The following SYTL2 variants were observed in gnomAD, a reference collection of about 807,000 sequenced individuals.
SYTL2 encodes synaptotagmin-like protein 2.
Under a neutral mutation model 198.7 loss-of-function variants are expected in SYTL2, and 165 were observed. That is an observed-to-expected ratio of 0.83 (90% CI 0.73 to 0.94). The LOEUF is 0.94. Ranked by LOEUF, SYTL2 falls within the 40% of genes least tolerant of loss-of-function variation. SYTL2 has a pLI of 0.00. For missense variants in SYTL2, 2,835 were observed against 2,582.8 expected (o/e 1.10, Z -2.12); for synonymous variants, 966 against 917.7 (o/e 1.05, Z -0.95).
chr11:85,842,044 C>G, the SYTL2 span, among the ~76,000 whole-genome samples: 1 of 152,128 alleles, frequency 6.6e-6, no homozygotes, highest in Admixed American at 6.5e-5. Context: ...AGGCCCTGTG[C>G]TAGGCAATGG....
At chr11:85,754,826 T>C (rs2091761114) in intron 2 of SYTL2, among the ~76,000 whole-genome samples, 1 of 152,168 alleles carries the variant, frequency 6.6e-6, no homozygotes, top group African/African-American at 2.4e-5. Flanking sequence ...CAGAGTTTTT[T>C]GTGTCATGAT....
At position 85,694,898 on chromosome 11, in the gene SYTL2, C is replaced by T; in HGVS notation, c.*297G>A. 4.5e-6 allele frequency: 1 copy of T among 222,550 alleles called. No homozygotes were observed. Among genetic ancestry groups the T allele is most frequent in the East Asian group, 9.5e-5 (1 of 10,514 alleles). The allele number at this position is 222,550 out of a possible 1,614,324, so 13.8% of individuals were successfully genotyped here. On this transcript the variant is annotated 3_prime_UTR_variant, in exon 20 of 20. Coordinates refer to ENST00000359152, the MANE Select transcript of SYTL2 (RefSeq NM_206927.4). ...AGAACATTTTGCTTCTTAACAATAC[C>T]CCATGTTTAATGCTCTGGGGCAGCT... is the stretch of plus-strand genomic sequence containing the variant.
chr11:85,807,070 T>A (rs1156315583), intron 1 of SYTL2, among the ~76,000 whole-genome samples: 1 of 152,250 alleles, frequency 6.6e-6, no homozygotes, highest in East Asian at 1.9e-4. Flanking sequence ...GTGGCTCTCA[T>A]TGCTTCCTCT....
chr11:85,756,192 A>C (rs2091855178), intron 2 of SYTL2, among the ~76,000 whole-genome samples: 1 of 152,212 alleles, frequency 6.6e-6, no homozygotes. Context: ...TGCTACCAAG[A>C]GGCTCTAATG....
chr11:85,704,993 T>G lies in SYTL2; in HGVS notation c.6054A>C (p.Lys2018Asn). 6.2e-7 allele frequency: 1 copy of G among 1,613,100 alleles called. No homozygotes were observed. The highest frequency in any genetic ancestry group is 8.5e-7 in the Non-Finnish European group (1 of 1,179,404). ...CCCGATGCCAAATGGACAGGTTCAA[T>G]TTCTGTGTCTTTAAGATTTGTTTTT... ...KIEKQILKTQ[K>N]LNLSIWHRDT... The change falls in exon 16 of 20, where the codon AAA becomes AAC. Residue 2018 changes from lysine (K) to asparagine (N), a missense_variant. Physicochemically the swap from Lys to Asn is moderately conservative, Grantham distance 94. Coordinates refer to ENST00000359152, the MANE Select transcript of SYTL2 (RefSeq NM_206927.4).
chr11:85,696,610 C>G, intron 18 of SYTL2: 1 of 548,850 alleles, frequency 1.8e-6, no homozygotes, highest in Non-Finnish European at 3.3e-6. Flanking sequence ...AATCCTGACT[C>G]TGCTACCTCC....
intron 8 of SYTL2, 116 bp from the exon 9 acceptor site, chr11:85,721,075 T>C (rs2088247777): frequency 1.6e-6 from 1 of 615,870 alleles, no homozygotes; most frequent in Non-Finnish European, 2.8e-6. Context: ...GAGTTTCTAC[T>C]TTAAGAAGCA....
chr11:85,824,046 T>C, the SYTL2 span, among the ~76,000 whole-genome samples: 2 of 152,180 alleles, frequency 1.3e-5, no homozygotes, highest in Admixed American at 1.3e-4. Flanking sequence ...CTGCCACCCA[T>C]GAACATGTTT....
At chr11:85,756,032 A>G (rs1377953998) in intron 2 of SYTL2, among the ~76,000 whole-genome samples, 1 of 152,112 alleles carries the variant, frequency 6.6e-6, no homozygotes, top group South Asian at 2.1e-4. Context: ...TAAAGAATCA[A>G]TATTTTCTCT....
chr11:85,734,789 T>C lies in SYTL2; in HGVS notation c.587-47A>G, dbSNP rs200163799. The C allele has an allele frequency of 7.6e-5, 104 of 1,365,546 alleles. No individual in the cohort carries two copies. The East Asian group carries it at 1.7e-3, about 23-fold the overall frequency. The allele number at this position is 1,365,546 out of a possible 1,614,324, so 84.6% of individuals were successfully genotyped here. Reference sequence around the variant, plus strand: ...GTGATATATCATATAGAGAGTAATATATAATTTAAAATACCTGTCATAAAC... The same window carrying C: ...GTGATATATCATATAGAGAGTAATACATAATTTAAAATACCTGTCATAAAC... On this transcript the variant is annotated intron_variant, in intron 6 of 19. Coordinates refer to ENST00000359152, the MANE Select transcript of SYTL2 (RefSeq NM_206927.4).
In SYTL2 at chr11:85,727,045, T is replaced by C. The variant is rs1051228976; in HGVS notation, c.2313A>G (p.Gln771=). 1.6e-5 allele frequency: 24 copies of C among 1,536,304 alleles called. No individual in the cohort carries two copies. The Admixed American group carries it at 2.4e-4, about 15-fold the overall frequency. The change falls in exon 8 of 20, where the codon CAA becomes CAG. Residue 771 remains glutamine, a synonymous_variant. Transcript: ENST00000359152. ...GAACCTCACCAGCTTCTTGCTGGAA[T>C]TGGACCTCAGGCTTCTTCCAAGGAG... The part of the protein sequence containing the change: ...NGSPWKKPEV[Q]FQQEAGEVPK...
chr11:85,833,809 G>A, the SYTL2 span, among the ~76,000 whole-genome samples: 1 of 150,738 alleles, frequency 6.6e-6, no homozygotes, highest in Non-Finnish European at 1.5e-5. Flanking sequence ...TACGATCGTG[G>A]CTCACTGCAA....
Position 85,720,836 on chromosome 11 carries a change from G to A in SYTL2, c.5428+22C>T, listed in dbSNP as rs200764902. The A allele has an allele frequency of 2.6e-4, 406 of 1,555,638 alleles. 1 individual carries two copies. The highest frequency in any genetic ancestry group is 5.6e-4 in the East Asian group (25 of 44,594). ...TTTAAGCTTAGATGGGGCATGAACA[G>A]TGAGGCGAACTTTATTCTCACTTGA... On this transcript the variant is annotated intron_variant, in intron 9 of 19. Transcript: ENST00000359152.
rs145022885 is a variant in SYTL2, at chr11:85,801,277, G to C, written c.-390+9677C>G. 4.2e-3 allele frequency among the ~76,000 whole-genome samples: 633 copies of C among 152,074 alleles called. 6 individuals carry two copies. The highest frequency in any genetic ancestry group is 0.015 in the African/African-American group (604 of 41,366). ...AACTCAATTTTGGAAATACAAAAAG[G>C]GGCCTTAAACTTTTTTTTTCTGGAT... is the stretch of plus-strand genomic sequence containing the variant. On this transcript the variant is annotated intron_variant, in intron 1 of 19. Coordinates refer to ENST00000359152, the MANE Select transcript of SYTL2 (RefSeq NM_206927.4).
chr11:85,748,277 A>G lies in SYTL2; in HGVS notation c.248T>C (p.Ile83Thr), dbSNP rs374322487. Reference protein sequence around the residue: ...RASMRKKRPQIAAEQSKDREN... With the variant: ...RASMRKKRPQTAAEQSKDREN... ...CACTAGCCAAGTCAACTCACCTGCT[A>G]TCTGGGGCCTCTTCTTTCTCATAGA... Residue 83 changes from isoleucine to threonine, a missense_variant, in exon 3 of 20, where the codon ATA becomes ACA. By Grantham distance (89) the Ile-to-Thr change is moderately conservative. Coordinates refer to ENST00000359152, the MANE Select transcript of SYTL2 (RefSeq NM_206927.4). The G allele has an allele frequency of 8.1e-6, 13 of 1,612,974 alleles. No individual in the cohort carries two copies. Among genetic ancestry groups the G allele is most frequent in the Admixed American group, 1.7e-5 (1 of 59,944 alleles).
At chr11:85,799,579 C>G (rs1445971639) in intron 1 of SYTL2, among the ~76,000 whole-genome samples, 1 of 152,242 alleles carries the variant, frequency 6.6e-6, no homozygotes, top group Admixed American at 6.5e-5. Flanking sequence ...CCACTACCTA[C>G]TTCACTGGCC....
rs189135030 is a variant in SYTL2 at position 85,713,287 on chromosome 11, C to G, written c.5625+1126G>C. The stretch of plus-strand genomic sequence containing the variant: ...CTAAGAGAATTCTTGATAATGAAGC[C>G]TTTTATTTCACCGTTAGAAATCAGA... On this transcript the variant is annotated intron_variant, in intron 12 of 19. Coordinates refer to ENST00000359152, the MANE Select transcript of SYTL2 (RefSeq NM_206927.4). 1.8e-4 allele frequency among the ~76,000 whole-genome samples: 28 copies of G among 152,284 alleles called. 1 individual carries two copies. The highest frequency in any genetic ancestry group is 6.5e-4 in the Admixed American group (10 of 15,296).
In SYTL2 at chr11:85,724,944, C is replaced by G; in HGVS notation, c.4414G>C (p.Gly1472Arg). The G allele has an allele frequency of 6.2e-7, 1 of 1,613,928 alleles. No individual in the cohort carries two copies. Among genetic ancestry groups the G allele is most frequent in the Middle Eastern group, 1.7e-4 (1 of 6,058 alleles). Residue 1472 changes from glycine (G) to arginine (R), a missense_variant, in exon 8 of 20, where the codon GGC becomes CGC. Physicochemically the swap from Gly to Arg is moderately radical, Grantham distance 125. Around this residue, in one of 3 missense-constraint regions of SYTL2, gnomAD observed 2,645 missense variants for 2,381.7 expected, o/e 1.11. Coordinates refer to ENST00000359152, the MANE Select transcript of SYTL2 (RefSeq NM_206927.4). Reference protein sequence around the residue: ...SSFASIVAQYGKGLPQEVEEI... With the variant: ...SSFASIVAQYRKGLPQEVEEI... Reference sequence around the variant, plus strand: ...TCCACTTCCTGAGGGAGGCCTTTGCCATATTGAGCAACAATGGAAGCAAAT... The same window carrying G: ...TCCACTTCCTGAGGGAGGCCTTTGCGATATTGAGCAACAATGGAAGCAAAT...
At chr11:85,739,734 T>A (rs1028384993) in intron 4 of SYTL2, among the ~76,000 whole-genome samples, 2 of 152,142 alleles carry the variant, frequency 1.3e-5, no homozygotes, top group African/African-American at 4.8e-5. Context: ...AAAACTGAGG[T>A]TCACAGAGGT....
Sources: gnomAD v4.1 joint callset for allele counts (sites outside exome capture counted in the v4.1 genomes callset) on GRCh38, gnomAD v4.1.1 for gene constraint, gnomAD v4.1.1 regional missense constraint, MANE v1.5 for transcripts, NCBI Gene and HGNC (gene_info 2026-07-23, HGNC 2026-07-21) for gene names.